PPP1R16A: variants seen among roughly 807,000 people sequenced by gnomAD.
PPP1R16A encodes protein phosphatase 1 regulatory subunit 16A, also known as myosin phosphatase-targeting subunit 3.
In PPP1R16A, 39 loss-of-function variants were observed where a neutral mutation model predicts 46.6. The observed-to-expected ratio is 0.84, with a 90% CI of 0.65 to 1.09. The LOEUF is 1.09. Ranked by LOEUF, PPP1R16A falls within the 50% of genes least tolerant of loss-of-function variation. The probability of loss-of-function intolerance (pLI) is 0.00; values close to 1 mark genes in which losing one functional copy is unlikely to be tolerated. For synonymous variants in PPP1R16A, 413 were observed against 321.5 expected (o/e 1.28, Z -3.04); for missense variants, 798 against 735.6 (o/e 1.08, Z -0.98).
rs1471855229 is a variant in PPP1R16A, at chr8:144,501,987, G to A, written c.*84G>A. On this transcript the variant is annotated 3_prime_UTR_variant, in exon 12 of 12. Transcript: ENST00000435887. Reference sequence around the variant, plus strand: ...CGGTGCGTGCCCTGGTGCTGCGGGTGCAGCACGGAAACCCCGGCTTCTACT... The same window carrying A: ...CGGTGCGTGCCCTGGTGCTGCGGGTACAGCACGGAAACCCCGGCTTCTACT... The A allele has an allele frequency of 7.2e-7, 1 of 1,381,290 alleles. No individual in the cohort carries two copies. The highest frequency in any genetic ancestry group is 9.5e-7 in the Non-Finnish European group (1 of 1,049,166). The allele number at this position is 1,381,290 out of a possible 1,614,324, so 85.6% of individuals were successfully genotyped here.
Position 144,499,004 on chromosome 8 carries a change from C to T in PPP1R16A, c.419C>T (p.Pro140Leu), listed in dbSNP as rs769084355. 6.2e-6 allele frequency: 10 copies of T among 1,602,814 alleles called. No homozygotes were observed. Among genetic ancestry groups the T allele is most frequent in the Non-Finnish European group, 7.7e-6 (9 of 1,172,854 alleles). ...INACDSECWT[P>L]LHAAATCGHL... ...GCCTGTGACAGTGAGTGCTGGACGC[C>T]TCTGCATGCTGCGGCCACCTGCGGC... The change falls in exon 5 of 12, where the codon CCT (proline) becomes CTT (leucine). Residue 140 changes from proline to leucine, a missense_variant. Coordinates refer to ENST00000435887, the MANE Select transcript of PPP1R16A (RefSeq NM_001329443.2).
At chr8:144,480,805 A>G (rs1825380586) in intron 1 of PPP1R16A, among the ~76,000 whole-genome samples, 1 of 151,892 alleles carries the variant, frequency 6.6e-6, no homozygotes, top group African/African-American at 2.4e-5. Context: ...TTTTTACATC[A>G]AACTTTATTG....
rs1406986374 is a variant in PPP1R16A at position 144,496,683 on chromosome 8, C to T, written c.-512C>T. ...AGCTGGGAGGGGTTGGGGGCTGGGT[C>T]ATGGCTGCTCCCAGGCCCCACCCAG... On this transcript the variant is annotated 5_prime_UTR_variant, in exon 3 of 12. Transcript: ENST00000435887. 1.5e-5 allele frequency: 3 copies of T among 204,632 alleles called. No individual in the cohort carries two copies. Among genetic ancestry groups the T allele is most frequent in the South Asian group, 8.8e-5 (1 of 11,366 alleles). 12.7% of individuals were successfully genotyped at this position (204,632 alleles called of 1,614,324 possible). A position where few individuals can be genotyped will look rare whatever the true frequency, so the allele number is the denominator to read the frequency against.
At chr8:144,486,674 G>A (rs974922272) in intron 1 of PPP1R16A, among the ~76,000 whole-genome samples, 1 of 152,116 alleles carries the variant, frequency 6.6e-6, no homozygotes, top group Non-Finnish European at 1.5e-5. Context: ...GTGTGTCTTT[G>A]CATCCTCTGC....
intron 2 of PPP1R16A, among the ~76,000 whole-genome samples, chr8:144,491,115 G>C (rs1825796029): frequency 6.6e-6 from 1 of 152,138 alleles, no homozygotes; most frequent in South Asian, 2.1e-4. Flanking sequence ...AACACCTTTA[G>C]CCAGGCTCTG....
At chr8:144,483,095 T>C (rs1308816439) in intron 1 of PPP1R16A, among the ~76,000 whole-genome samples, 1 of 152,220 alleles carries the variant, frequency 6.6e-6, no homozygotes, top group Non-Finnish European at 1.5e-5. Flanking sequence ...CTTTCATTTC[T>C]TTTGCGTATG....
chr8:144,501,459 A>C, intron 11 of PPP1R16A, 61 bp from the exon 12 acceptor site: 1 of 1,486,412 alleles, frequency 6.7e-7, no homozygotes, highest in Admixed American at 2.3e-5. Context: ...TACAGCCTGA[A>C]CCCAAGGCCA....
At chr8:144,489,982 C>CT (rs1245081512) in intron 1 of PPP1R16A, 52 bp from the exon 2 acceptor site, 2 of 152,350 alleles carry the variant, frequency 1.3e-5, no homozygotes, top group Non-Finnish European at 2.9e-5. Flanking sequence ...TTGCCAGCAT[C>CT]TGCCTGGCTC....
rs1826505461 is a variant in PPP1R16A at position 144,501,758 on chromosome 8, C to G, written c.1442C>G (p.Thr481Arg). 8 of 1,571,412 alleles carry G rather than the reference C, an allele frequency of 5.1e-6. No individual in the cohort carries two copies. Among genetic ancestry groups the G allele is most frequent in the Non-Finnish European group, 6.0e-6 (7 of 1,159,250 alleles). ...CCTGAGGGGCCCGAGAGCCCTGAGA[C>G]AGCTGAGCCTGGCCTGCCTGGTGAC... ...PPPEGPESPETAEPGLPGDTV... is the reference protein window; with the variant it reads ...PPPEGPESPERAEPGLPGDTV... Residue 481 changes from threonine (T) to arginine (R), a missense_variant, in exon 12 of 12, where the codon ACA (threonine) becomes AGA (arginine). Physicochemically the swap from Thr to Arg is moderately conservative, Grantham distance 71. Coordinates refer to ENST00000435887, the MANE Select transcript of PPP1R16A (RefSeq NM_001329443.2).
rs956058536 is a variant in PPP1R16A, at chr8:144,496,870, C to T, written c.-325C>T. 2.9e-5 allele frequency: 14 copies of T among 474,792 alleles called. No individual in the cohort carries two copies. Among genetic ancestry groups the T allele is most frequent in the Non-Finnish European group, 5.0e-5 (13 of 258,048 alleles). 29.4% of individuals were successfully genotyped at this position (474,792 alleles called of 1,614,324 possible). Reference sequence around the variant, plus strand: ...GACCCTGCACTGAGGCCGGCCAGGTCTCGGGGCTGCCTCCCATAGGTTGTG... The same window carrying T: ...GACCCTGCACTGAGGCCGGCCAGGTTTCGGGGCTGCCTCCCATAGGTTGTG... On this transcript the variant is annotated 5_prime_UTR_variant, in exon 3 of 12. Transcript: ENST00000435887.
At position 144,500,922 on chromosome 8, in the gene PPP1R16A, C is replaced by T. The variant is rs900225562; in HGVS notation, c.988C>T (p.Arg330Cys). The stretch of plus-strand genomic sequence containing the variant: ...CGACGCCCTCCTGCGCGCCCAGAGC[C>T]GCCAGCGCTCCTTGCTGCGCCGCCG... ...KHDALLRAQS[R>C]QRSLLRRRTS... is the part of the protein sequence containing the mutation. The change falls in exon 10 of 12, where the codon CGC becomes TGC. Residue 330 changes from arginine to cysteine, a missense_variant. Physicochemically the swap from Arg to Cys is radical, Grantham distance 180. Transcript: ENST00000435887. 5 of 1,526,238 alleles carry T rather than the reference C, an allele frequency of 3.3e-6. No individual in the cohort carries two copies. The Admixed American group carries it at 8.1e-5, about 25-fold the overall frequency. 94.5% of individuals were successfully genotyped at this position (1,526,238 alleles called of 1,614,324 possible).
At chr8:144,492,812 T>C (rs777641170) in intron 2 of PPP1R16A, among the ~76,000 whole-genome samples, 4 of 152,108 alleles carry the variant, frequency 2.6e-5, no homozygotes, top group Non-Finnish European at 4.4e-5. Flanking sequence ...GCCCCTTTCC[T>C]CTCTTTTCTT....
At chr8:144,478,293 G>A in intron 1 of PPP1R16A, 166 bp downstream of exon 1, 1 of 383,902 alleles carries the variant, frequency 2.6e-6, no homozygotes, top group East Asian at 3.7e-5. Flanking sequence ...AGGCCGGGAA[G>A]GGCGGGAGGA....
chr8:144,497,575 A>C, intron 3 of PPP1R16A, 122 bp downstream of exon 3: 1 of 1,409,262 alleles, frequency 7.1e-7, no homozygotes, highest in South Asian at 1.2e-5. Flanking sequence ...CAGCCCCCAG[A>C]TCTTGCCTGG....
rs533479774 is a variant in PPP1R16A, at chr8:144,494,806, G to A, written c.-734-1655G>A. Among the ~76,000 whole-genome samples the A allele has an allele frequency of 4.1e-4, 63 of 152,286 alleles. 1 individual carries two copies. The highest frequency in any genetic ancestry group is 3.4e-3 in the Middle Eastern group (1 of 294). On this transcript the variant is annotated intron_variant, in intron 2 of 11. Transcript: ENST00000435887. ...CAGCCCTGTCAGGAAGAGGGTGTGG[G>A]CTGTGAGTGGCTGGCAGGGAGGGAG...
intron 1 of PPP1R16A, among the ~76,000 whole-genome samples, chr8:144,485,486 T>C (rs144741536): frequency 6.7e-6 from 1 of 148,846 alleles, no homozygotes; most frequent in Non-Finnish European, 1.5e-5. Context: ...ATTGCGCCAC[T>C]GCACTGCAGC....
At chr8:144,488,688 C>T (rs111502656) in intron 1 of PPP1R16A, among the ~76,000 whole-genome samples, 2 of 151,936 alleles carry the variant, frequency 1.3e-5, no homozygotes, top group East Asian at 1.9e-4. Flanking sequence ...CAACGATGGG[C>T]GGGGGTGAAG....
At position 144,501,756 on chromosome 8, in the gene PPP1R16A, G is replaced by A. The variant is rs138353402; in HGVS notation, c.1440G>A (p.Glu480=). The change falls in exon 12 of 12, where the codon GAG becomes GAA. Residue 480 remains glutamate (E), a synonymous_variant. Coordinates refer to ENST00000435887, the MANE Select transcript of PPP1R16A (RefSeq NM_001329443.2). ...RPPPEGPESP[E]TAEPGLPGDT... ...CACCTGAGGGGCCCGAGAGCCCTGA[G>A]ACAGCTGAGCCTGGCCTGCCTGGTG... is the stretch of plus-strand genomic sequence containing the variant. 586 of 1,572,160 alleles carry A rather than the reference G, an allele frequency of 3.7e-4. 6 individuals carry two copies. In the Admixed American group the frequency reaches 9.9e-3, roughly 27 times the overall value.
intron 1 of PPP1R16A, among the ~76,000 whole-genome samples, chr8:144,486,063 C>T (rs969060901): frequency 6.6e-6 from 1 of 152,172 alleles, no homozygotes; most frequent in Non-Finnish European, 1.5e-5. Flanking sequence ...TCACCTGTTA[C>T]AAGACATTTG....
Sources: allele counts gnomAD v4.1 joint callset (sites outside exome capture counted in the v4.1 genomes callset), GRCh38; gene constraint gnomAD v4.1.1; transcripts MANE v1.5; gene names NCBI Gene and HGNC (gene_info 2026-07-23, HGNC 2026-07-21).